Variants in RNF216 observed in about 807,000 individuals in gnomAD.
The protein encoded by RNF216 is ring finger protein 216.
RNF216 carries 72 observed loss-of-function variants against 110.8 expected under a neutral mutation model. The observed-to-expected ratio is 0.65, with a 90% CI of 0.54 to 0.79. The LOEUF (loss-of-function observed/expected upper bound fraction) is 0.79, where lower values mean the gene tolerates loss of function less well. Among genes scored for constraint, RNF216 ranks in the 30% least tolerant of loss-of-function variants. The probability of loss-of-function intolerance (pLI) is 0.00; values close to 1 mark genes in which losing one functional copy is unlikely to be tolerated. For synonymous variants in RNF216, 495 were observed against 407.5 expected, an observed-to-expected ratio of 1.21 and a Z score of -2.59; for missense variants, 1,342 against 1,141.2, an observed-to-expected ratio of 1.18 and a Z score of -2.54.
At chr7:5,637,286 G>A (rs555325435) in intron 15 of RNF216, among the ~76,000 whole-genome samples, 67 of 152,270 alleles carry the variant, frequency 4.4e-4, no homozygotes, top group African/African-American at 1.4e-3. Flanking sequence ...GCAAAAGAAG[G>A]ATGACTCGGG....
At chr7:5,691,443 A>C (rs934008316) in intron 13 of RNF216, among the ~76,000 whole-genome samples, 18 of 152,154 alleles carry the variant, frequency 1.2e-4, no homozygotes, top group Admixed American at 1.3e-4. Context: ...GCGTAAGTGT[A>C]CAAGAGAGGT....
chr7:5,662,345 C>A (rs894835555), intron 13 of RNF216: 1 of 152,120 alleles, frequency 6.6e-6, no homozygotes, highest in Non-Finnish European at 1.5e-5. Flanking sequence ...TTTCCATTAC[C>A]GCATAAACAG....
chr7:5,624,022 GCT>G lies in RNF216; in HGVS notation c.2452+32_2452+33del. 1.3e-6 allele frequency: 2 copies of G among 1,594,112 alleles called. No individual in the cohort carries two copies. Among genetic ancestry groups the G allele is most frequent in the Non-Finnish European group, 1.7e-6 (2 of 1,164,568 alleles). Reference sequence around the variant, plus strand: ...CAGAAGCCTGCATGGCCTGGCTGCTGCTCTGTCCTGGGGGCCTGGGGAGGGGC... The same window carrying G: ...CAGAAGCCTGCATGGCCTGGCTGCTGCTGTCCTGGGGGCCTGGGGAGGGGC... On this transcript the variant is annotated intron_variant, in intron 16 of 16. Coordinates refer to ENST00000389902, the MANE Select transcript of RNF216 (RefSeq NM_207111.4). This position sits in a 1 kb window ranked among gnomAD's most constrained non-coding sequence, Gnocchi z 4.4.
intron 3 of RNF216, among the ~76,000 whole-genome samples, chr7:5,743,631 T>C (rs1794884294): frequency 6.6e-6 from 1 of 152,180 alleles, no homozygotes; most frequent in African/African-American, 2.4e-5. Flanking sequence ...AAATCATTTC[T>C]AAAAGTATGT....
intron 7 of RNF216, among the ~76,000 whole-genome samples, chr7:5,728,573 CA>C (rs534484429): frequency 3.6e-4 from 47 of 128,768 alleles, no homozygotes; most frequent in Admixed American, 7.4e-4. Context: ...GACTCCGTCT[CA>C]AAAAAAAAAA....
intron 1 of RNF216, among the ~76,000 whole-genome samples, chr7:5,769,924 G>A (rs994905147): frequency 4.3e-5 from 6 of 141,122 alleles, no homozygotes; most frequent in Admixed American, 1.5e-4. Context: ...GTAGCCAGGA[G>A]GCTGAGACAG....
At chr7:5,766,435 G>A (rs1796212576) in intron 1 of RNF216, among the ~76,000 whole-genome samples, 2 of 151,930 alleles carry the variant, frequency 1.3e-5, no homozygotes, top group South Asian at 4.1e-4. Context: ...GTCTGTGGGA[G>A]GTGATTAGAA....
At chr7:5,693,637 G>A (rs1562398402) in intron 13 of RNF216, among the ~76,000 whole-genome samples, 1 of 152,212 alleles carries the variant, frequency 6.6e-6, no homozygotes, top group East Asian at 1.9e-4. Context: ...CTTTTTAGAG[G>A]AAGTAAGAAG....
At chr7:5,756,020 G>A (rs942830475) in intron 2 of RNF216, among the ~76,000 whole-genome samples, 1 of 152,090 alleles carries the variant, frequency 6.6e-6, no homozygotes, top group African/African-American at 2.4e-5. Context: ...ATCTCATCTT[G>A]AATTGTAATC....
At chr7:5,707,291 T>A (rs1195787262) in intron 13 of RNF216, among the ~76,000 whole-genome samples, 1 of 152,252 alleles carries the variant, frequency 6.6e-6, no homozygotes, top group Non-Finnish European at 1.5e-5. Flanking sequence ...CATTTATTTA[T>A]GTCTTCTTTA....
rs189947796 is a variant in RNF216 at position 5,672,950 on chromosome 7, A to G, written c.2062-20440T>C. 5.3e-5 allele frequency among the ~76,000 whole-genome samples: 8 copies of G among 152,320 alleles called. No homozygotes were observed. The East Asian group carries it at 7.7e-4, about 15-fold the overall frequency. On this transcript the variant is annotated intron_variant, in intron 13 of 16. Coordinates refer to ENST00000389902, the MANE Select transcript of RNF216 (RefSeq NM_207111.4). Reference sequence around the variant, plus strand: ...TTGAAATTGGAAAATGTACAAAAAAAGTACTGAGATGTCCTGGCTACAGCT... The same window carrying G: ...TTGAAATTGGAAAATGTACAAAAAAGGTACTGAGATGTCCTGGCTACAGCT...
chr7:5,700,859 C>T (rs951343417), intron 13 of RNF216, among the ~76,000 whole-genome samples: 2 of 152,186 alleles, frequency 1.3e-5, no homozygotes, highest in African/African-American at 4.8e-5. Flanking sequence ...AGGACAAAAA[C>T]TCATGCCCAA....
intron 15 of RNF216, among the ~76,000 whole-genome samples, chr7:5,637,008 C>CCCA (rs754043322): frequency 3.9e-5 from 6 of 152,164 alleles, no homozygotes; most frequent in Non-Finnish European, 8.8e-5. Context: ...ACTGTTAACA[C>CCCA]CCACCCTCAC....
intron 3 of RNF216, among the ~76,000 whole-genome samples, chr7:5,752,451 T>C (rs1016079879): frequency 3.3e-5 from 5 of 152,202 alleles, no homozygotes; most frequent in Non-Finnish European, 7.3e-5. Flanking sequence ...TGATTATATA[T>C]ATATCTTTAT....
chr7:5,640,060 A>ATT (rs572182905), intron 15 of RNF216, among the ~76,000 whole-genome samples: 10 of 138,812 alleles, frequency 7.2e-5, no homozygotes, highest in Non-Finnish European at 9.5e-5. Context: ...CGCCCGGCCA[A>ATT]TTTTTTTTTT....
At chr7:5,775,408 C>T (rs1025194483) in intron 1 of RNF216, among the ~76,000 whole-genome samples, 3 of 152,052 alleles carry the variant, frequency 2.0e-5, no homozygotes, top group African/African-American at 7.2e-5. Context: ...TCCATTTTTC[C>T]TTATGTATAT....
intron 15 of RNF216, among the ~76,000 whole-genome samples, chr7:5,628,030 G>A (rs962468055): frequency 6.6e-6 from 1 of 152,196 alleles, no homozygotes; most frequent in African/African-American, 2.4e-5. Context: ...GGCGGGGTCT[G>A]GAGGACACTG....
chr7:5,689,570 A>G lies in RNF216; in HGVS notation c.2061+22191T>C, dbSNP rs182006615. Among the ~76,000 whole-genome samples the G allele has an allele frequency of 7.1e-4, 108 of 152,282 alleles. No individual in the cohort carries two copies. In the East Asian group the frequency reaches 0.012, roughly 17 times the overall value. ...GTTTTCCTTTTCTCTTGGACTTCCT[A>G]CAAGTTTTTAAAGCATAAGAAATGT... On this transcript the variant is annotated intron_variant, in intron 13 of 16. Coordinates refer to ENST00000389902, the MANE Select transcript of RNF216 (RefSeq NM_207111.4).
At chr7:5,641,423 GAAAA>G in intron 14 of RNF216, 47 bp from the exon 15 acceptor site, 1 of 1,454,690 alleles carries the variant, frequency 6.9e-7, no homozygotes, top group South Asian at 1.2e-5. Context: ...AGATGAGGAG[GAAAA>G]AAATATGGCC....
Sources: allele counts gnomAD v4.1 joint callset (sites outside exome capture counted in the v4.1 genomes callset), GRCh38; gene constraint gnomAD v4.1.1; non-coding constraint Gnocchi (gnomAD v3.1); transcripts MANE v1.5; gene names NCBI Gene and HGNC (gene_info 2026-07-23, HGNC 2026-07-21).